MAST4: variants seen among roughly 807,000 people sequenced by gnomAD.
MAST4 encodes microtubule associated serine/threonine kinase family member 4.
A neutral mutation model predicts 162.7 loss-of-function variants in MAST4; 89 were observed. That is an observed-to-expected ratio of 0.55 (90% CI 0.46 to 0.65). The LOEUF (loss-of-function observed/expected upper bound fraction) is 0.65, where lower values mean the gene tolerates loss of function less well. MAST4 is among the 30% of genes least tolerant of loss of function. The pLI, the probability that MAST4 is intolerant of heterozygous loss-of-function variation, is 0.00. For synonymous variants in MAST4, 1,479 were observed against 1,361.1 expected (o/e 1.09, Z -1.91); for missense variants, 3,153 against 3,374.0 (o/e 0.93, Z 1.62).
At chr5:66,776,901 T>C (rs1008652468) in intron 2 of MAST4, among the ~76,000 whole-genome samples, 6 of 152,160 alleles carry the variant, frequency 3.9e-5, no homozygotes, top group African/African-American at 1.4e-4. Context: ...GGTAATAGCC[T>C]TCCTGGTTGG....
chr5:66,655,344 A>G (rs1238220935), intron 1 of MAST4, among the ~76,000 whole-genome samples: 1 of 152,234 alleles, frequency 6.6e-6, no homozygotes, highest in Non-Finnish European at 1.5e-5. Flanking sequence ...ACCCAAGTTA[A>G]TGTAGCTGGA....
At chr5:66,681,456 C>A (rs1235353297) in intron 1 of MAST4, among the ~76,000 whole-genome samples, 4 of 152,164 alleles carry the variant, frequency 2.6e-5, no homozygotes, top group African/African-American at 9.7e-5. Context: ...GGTTCCTGGG[C>A]CCTACTCCAG....
At chr5:66,971,084 G>A (rs1747379026) in intron 4 of MAST4, among the ~76,000 whole-genome samples, 1 of 152,094 alleles carries the variant, frequency 6.6e-6, no homozygotes, top group African/African-American at 2.4e-5. Flanking sequence ...TCAATTTGTG[G>A]TCATTTTCAT....
intron 1 of MAST4, among the ~76,000 whole-genome samples, chr5:66,758,961 G>T (rs1003248248): frequency 2.0e-5 from 3 of 152,130 alleles, no homozygotes; most frequent in African/African-American, 7.2e-5. Flanking sequence ...CATTTTAGAT[G>T]GTATGGCTCT....
chr5:66,979,037 A>G (rs1748471311), intron 4 of MAST4, among the ~76,000 whole-genome samples: 2 of 152,154 alleles, frequency 1.3e-5, no homozygotes, highest in South Asian at 4.1e-4. Flanking sequence ...AGTTGACAGG[A>G]CCTGCTGAAG....
intron 3 of MAST4, among the ~76,000 whole-genome samples, chr5:66,809,118 T>A (rs987289297): frequency 2.6e-4 from 40 of 152,222 alleles, no homozygotes; most frequent in Non-Finnish European, 2.2e-4. Context: ...ACATTTTTCT[T>A]TCTTGATGCC....
chr5:66,720,142 G>T (rs1397246730), intron 1 of MAST4, among the ~76,000 whole-genome samples: 2 of 149,286 alleles, frequency 1.3e-5, no homozygotes, highest in African/African-American at 5.0e-5. Flanking sequence ...TGTTTAATAT[G>T]AGTTTATTAA....
intron 1 of MAST4, among the ~76,000 whole-genome samples, chr5:66,601,488 G>A (rs185561826): frequency 1.0e-3 from 155 of 152,312 alleles, no homozygotes; most frequent in Non-Finnish European, 1.9e-3. Context: ...GGTAGCATGT[G>A]GCTGCACTTG....
At chr5:67,100,911 A>G (rs1764951429) in intron 8 of MAST4, among the ~76,000 whole-genome samples, 1 of 152,232 alleles carries the variant, frequency 6.6e-6, no homozygotes, top group Admixed American at 6.5e-5. Flanking sequence ...GTTAAGAGGC[A>G]ACAGCTTCGT....
At chr5:66,954,900 C>CAAAAAAAAAA (rs538274808) in intron 4 of MAST4, among the ~76,000 whole-genome samples, 1 of 139,400 alleles carries the variant, frequency 7.2e-6, no homozygotes, top group African/African-American at 2.9e-5. Flanking sequence ...GACTCTGTCT[C>CAAAAAAAAAA]AAAAAAAAAA....
At chr5:66,652,404 C>T (rs1388345457) in intron 1 of MAST4, among the ~76,000 whole-genome samples, 6 of 152,116 alleles carry the variant, frequency 3.9e-5, no homozygotes, top group African/African-American at 1.2e-4. Context: ...AACTAATGAA[C>T]ATTTAAATTA....
intron 3 of MAST4, among the ~76,000 whole-genome samples, chr5:66,824,399 G>A (rs1361988059): frequency 6.6e-6 from 1 of 152,156 alleles, no homozygotes; most frequent in African/African-American, 2.4e-5. Flanking sequence ...TTTACCAGAG[G>A]ACAATCCTCT....
intron 1 of MAST4, among the ~76,000 whole-genome samples, chr5:66,751,641 A>G (rs1753177460): frequency 6.6e-6 from 1 of 150,996 alleles, no homozygotes; most frequent in Non-Finnish European, 1.5e-5. Flanking sequence ...ATATGGGACT[A>G]TGTGAAAAGA....
intron 1 of MAST4, among the ~76,000 whole-genome samples, chr5:66,735,813 T>C (rs2149563039): frequency 6.6e-6 from 1 of 152,094 alleles, no homozygotes; most frequent in East Asian, 1.9e-4. Flanking sequence ...TGGTGTAATG[T>C]CATAACAGAG....
chr5:66,851,796 T>G (rs988737470), intron 3 of MAST4, among the ~76,000 whole-genome samples: 2 of 152,242 alleles, frequency 1.3e-5, no homozygotes, highest in African/African-American at 4.8e-5. Context: ...TAATTCTTTT[T>G]GGGAACATTT....
At chr5:66,917,206 G>T in intron 4 of MAST4, 1 of 520,758 alleles carries the variant, frequency 1.9e-6, no homozygotes, top group East Asian at 2.9e-5. Flanking sequence ...CTGATGTTGA[G>T]TATATTTTCA....
chr5:66,797,829 G>C (rs1755726011), intron 3 of MAST4, among the ~76,000 whole-genome samples: 1 of 152,180 alleles, frequency 6.6e-6, no homozygotes, highest in Non-Finnish European at 1.5e-5. Flanking sequence ...GGGAGTGGTA[G>C]ATAAAGGTGG....
rs187479964 is a variant in MAST4 at position 66,613,208 on chromosome 5, G to T, written c.363+16190G>T. 1.6e-4 allele frequency among the ~76,000 whole-genome samples: 24 copies of T among 152,224 alleles called. No individual in the cohort carries two copies. The East Asian group carries it at 4.4e-3, about 28-fold the overall frequency. Reference sequence around the variant, plus strand: ...TAGGATTACAGGTGTGAGCCAGTGTGCCCGGCCCAATTAATACCATCTAAG... The same window carrying T: ...TAGGATTACAGGTGTGAGCCAGTGTTCCCGGCCCAATTAATACCATCTAAG... On this transcript the variant is annotated intron_variant, in intron 1 of 28. Transcript: ENST00000403625.
At position 66,681,686 on chromosome 5, in the gene MAST4, G is replaced by A. The variant is rs180970814; in HGVS notation, c.364-78023G>A. Among the ~76,000 whole-genome samples, 509 of 152,316 alleles carry A rather than the reference G, an allele frequency of 3.3e-3. 1 individual carries two copies. The highest frequency in any genetic ancestry group is 0.011 in the African/African-American group (477 of 41,572). ...CTTCTCATACAAAAAGGCACAGCTT[G>A]ACTGATGAGAGGGCATTGCAGGAGG... On this transcript the variant is annotated intron_variant, in intron 1 of 28. Transcript: ENST00000403625.
Sources: gnomAD v4.1 joint callset for allele counts (sites outside exome capture counted in the v4.1 genomes callset) on GRCh38, gnomAD v4.1.1 for gene constraint, MANE v1.5 for transcripts, NCBI Gene and HGNC (gene_info 2026-07-23, HGNC 2026-07-21) for gene names.